Variants in FHOD3 observed in about 807,000 individuals in gnomAD.
FHOD3 encodes FH1/FH2 domain-containing protein 3.
FHOD3 carries 90 observed loss-of-function variants against 173.0 expected under a neutral mutation model. The observed-to-expected ratio is 0.52, with a 90% CI of 0.44 to 0.62. The LOEUF (loss-of-function observed/expected upper bound fraction) is 0.62. Ranked by LOEUF, FHOD3 falls within the 20% of genes least tolerant of loss-of-function variation. The pLI is 0.00. For missense variants in FHOD3, 1,945 were observed against 2,034.7 expected, an observed-to-expected ratio of 0.96 and a Z score of 0.85; for synonymous variants, 828 against 823.0, an observed-to-expected ratio of 1.01 and a Z score of -0.10.
chr18:36,355,509 G>C (rs777209295), intron 1 of FHOD3, 30 bp from the exon 2 acceptor site: 10 of 1,583,754 alleles, frequency 6.3e-6, no homozygotes, highest in Non-Finnish European at 8.7e-6. Flanking sequence ...TGAGGAGCAG[G>C]TTGGGTATAA....
chr18:36,429,916 T>C (rs2147226112), intron 3 of FHOD3, among the ~76,000 whole-genome samples: 1 of 152,208 alleles, frequency 6.6e-6, no homozygotes, highest in South Asian at 2.1e-4. Flanking sequence ...CTGGGGCTTG[T>C]TCTCAAGTTG....
intron 2 of FHOD3, among the ~76,000 whole-genome samples, chr18:36,359,511 C>G (rs1206126554): frequency 6.7e-6 from 1 of 150,006 alleles, no homozygotes; most frequent in African/African-American, 2.5e-5. Context: ...TTTTTCCTGA[C>G]GTTGTCATTG....
chr18:36,649,000 G>A (rs1207073338), intron 10 of FHOD3, among the ~76,000 whole-genome samples: 1 of 152,176 alleles, frequency 6.6e-6, no homozygotes, highest in Non-Finnish European at 1.5e-5. Flanking sequence ...ATGGCCAGAA[G>A]CTTCTGTGAA....
intron 3 of FHOD3, among the ~76,000 whole-genome samples, chr18:36,471,277 G>A (rs752639577): frequency 3.3e-5 from 5 of 152,164 alleles, no homozygotes; most frequent in Non-Finnish European, 7.3e-5. Context: ...CTGAGGTGCA[G>A]TCTCTCCCTG....
intron 17 of FHOD3, among the ~76,000 whole-genome samples, chr18:36,702,819 C>T (rs897597577): frequency 1.1e-4 from 17 of 151,974 alleles, no homozygotes; most frequent in East Asian, 7.7e-4. Flanking sequence ...TGTGTGTGCG[C>T]GTGTGTGTGT....
At chr18:36,726,025 AT>A (rs574985668) in intron 19 of FHOD3, among the ~76,000 whole-genome samples, 19 of 150,806 alleles carry the variant, frequency 1.3e-4, no homozygotes, top group Admixed American at 4.6e-4. Flanking sequence ...CACTTTAGAC[AT>A]TTTTTTTTCT....
chr18:36,652,463 T>C (rs2036124074), intron 11 of FHOD3, 107 bp from the exon 12 acceptor site: 1 of 1,302,370 alleles, frequency 7.7e-7, no homozygotes, highest in Admixed American at 2.8e-5. Flanking sequence ...AAGTGAGTGA[T>C]AATAGTACAG....
chr18:36,707,088 T>C (rs2039923881), intron 17 of FHOD3, among the ~76,000 whole-genome samples: 1 of 152,190 alleles, frequency 6.6e-6, no homozygotes, highest in African/African-American at 2.4e-5. Flanking sequence ...CAGCACAGTT[T>C]TTACTTTTAA....
intron 5 of FHOD3, among the ~76,000 whole-genome samples, chr18:36,545,237 C>T (rs1181346035): frequency 6.6e-6 from 1 of 152,172 alleles, no homozygotes; most frequent in Non-Finnish European, 1.5e-5. Context: ...ATGGCTCTGC[C>T]TCATGGAACT....
At chr18:36,607,544 G>T (rs2032214007) in intron 8 of FHOD3, among the ~76,000 whole-genome samples, 1 of 152,118 alleles carries the variant, frequency 6.6e-6, no homozygotes. Context: ...TTAGCAAATG[G>T]TCACTTGGTC....
chr18:36,440,071 A>G (rs1374844616), intron 3 of FHOD3, among the ~76,000 whole-genome samples: 1 of 152,094 alleles, frequency 6.6e-6, no homozygotes, highest in Non-Finnish European at 1.5e-5. Context: ...CCACCATCTT[A>G]GTGACTCTTC....
chr18:36,621,387 C>T (rs1431754867), intron 9 of FHOD3, among the ~76,000 whole-genome samples: 1 of 152,056 alleles, frequency 6.6e-6, no homozygotes, highest in Non-Finnish European at 1.5e-5. Context: ...AACAACAATC[C>T]CTGTTCCTGA....
chr18:36,490,093 A>G (rs1286652626), intron 3 of FHOD3, among the ~76,000 whole-genome samples: 1 of 152,186 alleles, frequency 6.6e-6, no homozygotes, highest in Non-Finnish European at 1.5e-5. Flanking sequence ...GGGCACCTGT[A>G]CACAGATCTT....
chr18:36,393,457 C>T (rs2048398579), intron 3 of FHOD3, among the ~76,000 whole-genome samples: 1 of 152,014 alleles, frequency 6.6e-6, no homozygotes, highest in African/African-American at 2.4e-5. Context: ...GTTGCAATGC[C>T]CCTAATTGTG....
intron 3 of FHOD3, among the ~76,000 whole-genome samples, chr18:36,388,647 C>T (rs944737323): frequency 2.0e-5 from 3 of 152,100 alleles, no homozygotes; most frequent in Non-Finnish European, 2.9e-5. Context: ...CAGGGATGGC[C>T]GAGTCCCTTC....
chr18:36,621,906 C>T (rs79521732), intron 9 of FHOD3, among the ~76,000 whole-genome samples: 2,932 of 152,294 alleles, frequency 0.019, 43 homozygotes, highest in Middle Eastern at 0.027. Context: ...TGTCGCAGCA[C>T]TAGTCACAAT....
intron 19 of FHOD3, among the ~76,000 whole-genome samples, chr18:36,723,962 C>G (rs998542483): frequency 2.0e-5 from 3 of 152,190 alleles, no homozygotes; most frequent in African/African-American, 4.8e-5. Context: ...AACGGAATGT[C>G]TCTGAGGGGG....
chr18:36,572,293 A>G (rs2058480432), intron 5 of FHOD3, among the ~76,000 whole-genome samples: 1 of 152,142 alleles, frequency 6.6e-6, no homozygotes, highest in South Asian at 2.1e-4. Flanking sequence ...ATGAATTTTC[A>G]TGGCTCCTGT....
intron 19 of FHOD3, among the ~76,000 whole-genome samples, chr18:36,725,932 G>C (rs969153344): frequency 6.6e-6 from 1 of 152,034 alleles, no homozygotes. Flanking sequence ...CTATATAGCT[G>C]ATAGCTGATT....
Sources: gnomAD v4.1 joint callset for allele counts (sites outside exome capture counted in the v4.1 genomes callset) on GRCh38, gnomAD v4.1.1 for gene constraint, MANE v1.5 for transcripts, NCBI Gene and HGNC (gene_info 2026-07-23, HGNC 2026-07-21) for gene names.